TMTC1: variants seen among roughly 807,000 people sequenced by gnomAD.
TMTC1 encodes transmembrane O-mannosyltransferase targeting cadherins 1.
TMTC1 carries 73 observed loss-of-function variants against 104.8 expected under a neutral mutation model. The observed-to-expected ratio is 0.70, with a 90% CI of 0.58 to 0.85. The LOEUF is 0.85. TMTC1 is among the 40% of genes least tolerant of loss of function. TMTC1 has a pLI of 0.00. For synonymous variants in TMTC1, 434 were observed against 428.7 expected (o/e 1.01, Z -0.15); for missense variants, 1,035 against 1,096.1 (o/e 0.94, Z 0.79).
intron 3 of TMTC1, among the ~76,000 whole-genome samples, chr12:29,756,631 T>G (rs1006004647): frequency 4.6e-5 from 7 of 152,174 alleles, no homozygotes; most frequent in African/African-American, 1.7e-4. Flanking sequence ...TCAAAATCTC[T>G]CCGGTGCTGT....
intron 5 of TMTC1, among the ~76,000 whole-genome samples, chr12:29,720,696 C>T (rs976990288): frequency 2.6e-5 from 4 of 151,710 alleles, no homozygotes; most frequent in African/African-American, 9.7e-5. Context: ...TAACATGCTT[C>T]AATACGAGAT....
chr12:29,546,965 T>C (rs1421590326), intron 10 of TMTC1, among the ~76,000 whole-genome samples: 1 of 152,132 alleles, frequency 6.6e-6, no homozygotes, highest in South Asian at 2.1e-4. Context: ...CACCTATATC[T>C]TGAGTCATCC....
At chr12:29,532,167 T>G (rs957026875) in intron 11 of TMTC1, among the ~76,000 whole-genome samples, 3 of 152,232 alleles carry the variant, frequency 2.0e-5, no homozygotes, top group African/African-American at 7.2e-5. Flanking sequence ...TCTATTTTTC[T>G]AGCCCTGATC....
intron 6 of TMTC1, among the ~76,000 whole-genome samples, chr12:29,631,003 G>C (rs1938267349): frequency 6.6e-6 from 1 of 152,158 alleles, no homozygotes; most frequent in Admixed American, 6.5e-5. Context: ...GTTCTCTAAT[G>C]ACTAATGATG....
At position 29,779,112 on chromosome 12, in the gene TMTC1, G is replaced by A. The variant is rs534914013; in HGVS notation, c.302+4338C>T. Reference sequence around the variant, plus strand: ...GCACCATGATTCCAAGTAGCTGAAAGACGAGATCTGGAGAGCACTGGAGGA... The same window carrying A: ...GCACCATGATTCCAAGTAGCTGAAAAACGAGATCTGGAGAGCACTGGAGGA... On this transcript the variant is annotated intron_variant, in intron 1 of 17. Transcript: ENST00000539277. 9.8e-5 allele frequency among the ~76,000 whole-genome samples: 15 copies of A among 152,314 alleles called. No homozygotes were observed. In the South Asian group the frequency reaches 3.1e-3, roughly 32 times the overall value.
chr12:29,626,276 A>G (rs1937985373), intron 6 of TMTC1, among the ~76,000 whole-genome samples: 1 of 152,192 alleles, frequency 6.6e-6, no homozygotes, highest in Non-Finnish European at 1.5e-5. Context: ...ACCAAACTAT[A>G]TAGTATTTTA....
intron 5 of TMTC1, among the ~76,000 whole-genome samples, chr12:29,640,393 C>G (rs981291806): frequency 1.3e-5 from 2 of 152,106 alleles, no homozygotes; most frequent in African/African-American, 4.8e-5. Context: ...AACAAATCAG[C>G]AATCCCAAGA....
At chr12:29,665,110 C>A (rs534519169) in intron 5 of TMTC1, among the ~76,000 whole-genome samples, 1 of 152,010 alleles carries the variant, frequency 6.6e-6, no homozygotes, top group Non-Finnish European at 1.5e-5. Context: ...ACTGATGACA[C>A]CAAAACTGAC....
chr12:29,737,793 C>T (rs545124831), intron 5 of TMTC1, among the ~76,000 whole-genome samples: 1 of 152,298 alleles, frequency 6.6e-6, no homozygotes, highest in East Asian at 1.9e-4. Flanking sequence ...CGGAGCCTTG[C>T]TTTCCACATG....
At chr12:29,613,685 A>G (rs780341327) in intron 6 of TMTC1, among the ~76,000 whole-genome samples, 2 of 152,240 alleles carry the variant, frequency 1.3e-5, no homozygotes, top group Non-Finnish European at 2.9e-5. Context: ...TGGAAGAAAA[A>G]AGGAAAAGGA....
chr12:29,764,401 G>A (rs1943418088), intron 2 of TMTC1, among the ~76,000 whole-genome samples: 1 of 152,088 alleles, frequency 6.6e-6, no homozygotes, highest in Admixed American at 6.6e-5. Context: ...ATAGCTACTG[G>A]GGAGACTGAG....
chr12:29,775,991 C>T (rs761184046), intron 1 of TMTC1, among the ~76,000 whole-genome samples: 5 of 152,210 alleles, frequency 3.3e-5, no homozygotes, highest in Middle Eastern at 3.4e-3. Context: ...GAATCCAGCA[C>T]GAAGACCAGA....
chr12:29,618,947 T>G (rs2136453746), intron 6 of TMTC1, among the ~76,000 whole-genome samples: 1 of 152,320 alleles, frequency 6.6e-6, no homozygotes, highest in African/African-American at 2.4e-5. Context: ...TGAGCTGTTT[T>G]TATGAAAATA....
At chr12:29,621,451 GT>G (rs1431880677) in intron 6 of TMTC1, among the ~76,000 whole-genome samples, 1 of 152,198 alleles carries the variant, frequency 6.6e-6, no homozygotes, top group African/African-American at 2.4e-5. Context: ...AAACTGAATA[GT>G]TGTGAAAGAC....
In TMTC1 at chr12:29,514,586, T is replaced by C. The variant is rs765669390; in HGVS notation, c.2326A>G (p.Lys776Glu). The change falls in exon 16 of 18, where the codon AAG becomes GAG. Residue 776 changes from lysine to glutamate, a missense_variant. Coordinates refer to ENST00000539277, the MANE Select transcript of TMTC1 (RefSeq NM_001193451.2). ...TCCTTTGGTTTCAGCTGGAGAGCCT[T>C]GTCTATAGCATCAAGTGCCTGCAGA... ...NHDKALDAID[K>E]ALQLKPKDPK... 14 of 1,613,460 alleles carry C rather than the reference T, an allele frequency of 8.7e-6. 1 individual carries two copies. The East Asian group carries it at 1.6e-4, about 18-fold the overall frequency.
At chr12:29,610,753 G>A (rs970173842) in intron 6 of TMTC1, among the ~76,000 whole-genome samples, 21 of 152,150 alleles carry the variant, frequency 1.4e-4, no homozygotes, top group Admixed American at 1.4e-3. Flanking sequence ...ATGTAGACAC[G>A]GAAAGGTGCC....
chr12:29,611,999 G>A (rs1363901795), intron 6 of TMTC1, among the ~76,000 whole-genome samples: 1 of 152,192 alleles, frequency 6.6e-6, no homozygotes, highest in Non-Finnish European at 1.5e-5. Context: ...GGGCCAGAGA[G>A]CATGAGAGAC....
chr12:29,507,259 G>T (rs1335269132), intron 17 of TMTC1, among the ~76,000 whole-genome samples: 1 of 152,110 alleles, frequency 6.6e-6, no homozygotes, highest in East Asian at 1.9e-4. Flanking sequence ...ACTAATGCAG[G>T]GTGTGAGGTT....
chr12:29,750,384 T>C (rs1943061042), intron 5 of TMTC1, among the ~76,000 whole-genome samples: 1 of 152,146 alleles, frequency 6.6e-6, no homozygotes, highest in Non-Finnish European at 1.5e-5. Flanking sequence ...AGCACTCACA[T>C]TGTTCAGTCA....
Sources: gnomAD v4.1 joint callset for allele counts (sites outside exome capture counted in the v4.1 genomes callset) on GRCh38, gnomAD v4.1.1 for gene constraint, MANE v1.5 for transcripts, NCBI Gene and HGNC (gene_info 2026-07-23, HGNC 2026-07-21) for gene names.